KMT2B: variants seen among roughly 807,000 people sequenced by gnomAD.
KMT2B encodes the protein lysine methyltransferase 2B.
KMT2B carries 22 observed loss-of-function variants against 255.3 expected under a neutral mutation model. The observed-to-expected ratio is 0.09, with a 90% CI of 0.06 to 0.12. The LOEUF (loss-of-function observed/expected upper bound fraction) is 0.12. Among genes scored for constraint, KMT2B ranks in the 10% least tolerant of loss-of-function variants. The probability of loss-of-function intolerance (pLI) is 1.00; values close to 1 mark genes in which losing one functional copy is unlikely to be tolerated. For synonymous variants in KMT2B, 1,730 were observed against 1,498.1 expected (o/e 1.15, Z -3.57); for missense variants, 3,149 against 3,737.0 (o/e 0.84, Z 4.10).
rs750985731 is a variant in KMT2B at position 35,721,005 on chromosome 19, A to G, written c.1658A>G (p.Lys553Arg). The change falls in exon 3 of 37, where the codon AAA becomes AGA. Residue 553 changes from lysine to arginine, a missense_variant. Transcript: ENST00000420124. The stretch of plus-strand genomic sequence containing the variant: ...CGATTTATGGATGAAGACCCCCCCA[A>G]ACCCCCAAAGGTGGAGGTCTCACCT... ...PRRFMDEDPP[K>R]PPKVEVSPVL... is the part of the protein sequence containing the mutation. 48 of 1,609,616 alleles carry G rather than the reference A, an allele frequency of 3.0e-5. No homozygotes were observed. Among genetic ancestry groups the G allele is most frequent in the Non-Finnish European group, 3.7e-5 (44 of 1,178,600 alleles).
In KMT2B at chr19:35,733,171, G is replaced by T. The variant is rs1424516953; in HGVS notation, c.6622G>T (p.Gly2208Cys). The T allele has an allele frequency of 1.9e-6, 3 of 1,567,826 alleles. No individual in the cohort carries two copies. The highest frequency in any genetic ancestry group is 1.8e-5 in the Admixed American group (1 of 54,660). Reference protein sequence around the residue: ...GQVFVKMAGEGEPVPPPVKQP... With the variant: ...GQVFVKMAGECEPVPPPVKQP... ...AGTATTTGTGAAGATGGCTGGGGAG[G>T]GTGAACCTGTCCCACCCCCAGTGAA... The change falls in exon 28 of 37, where the codon GGT becomes TGT. Residue 2208 changes from glycine to cysteine, a missense_variant. Gly to Cys is a radical substitution (Grantham distance 159). Transcript: ENST00000420124. The surrounding 1 kb of genome is among the most constrained non-coding windows in gnomAD (Gnocchi z 4.3).
At position 35,727,167 on chromosome 19, in the gene KMT2B, C is replaced by A; in HGVS notation, c.4015C>A (p.Pro1339Thr). ...TQLYEKGNYC[P>T]ICTRCYEDND... ...TTCCCTTTCTCTAGGAAACTACTGC[C>A]CGATCTGTACACGCTGCTATGAAGA... The change falls in exon 15 of 37, where the codon CCG becomes ACG. Residue 1339 changes from proline to threonine, a missense_variant. Physicochemically the swap from Pro to Thr is conservative, Grantham distance 38. Around this residue, in one of 18 missense-constraint regions of KMT2B, gnomAD observed 377 missense variants for 471.0 expected, o/e 0.80. Coordinates refer to ENST00000420124, the MANE Select transcript of KMT2B (RefSeq NM_014727.3). This position sits in a 1 kb window ranked among gnomAD's most constrained non-coding sequence, Gnocchi z 4.2. The A allele has an allele frequency of 1.2e-6, 2 of 1,611,834 alleles. No individual in the cohort carries two copies. Among genetic ancestry groups the A allele is most frequent in the Non-Finnish European group, 1.7e-6 (2 of 1,178,972 alleles).
chr19:35,726,589 T>C (rs560621276), intron 14 of KMT2B, among the ~76,000 whole-genome samples: 11 of 152,282 alleles, frequency 7.2e-5, no homozygotes, highest in African/African-American at 2.4e-4. Context: ...TCTTGGTGTC[T>C]GAGGTACTTC....
At position 35,718,262 on chromosome 19, in the gene KMT2B, C is replaced by G. The variant is rs1475394612; in HGVS notation, c.244C>G (p.Arg82Gly). Residue 82 changes from arginine to glycine, a missense_variant, in exon 1 of 37, where the codon CGC (arginine) becomes GGC (glycine). Transcript: ENST00000420124. The surrounding 1 kb of genome is among the most constrained non-coding windows in gnomAD (Gnocchi z 5.0). ...GLRRGLRRLR[R>G]LWAGPRVQRG... ...CCGCCGGGGCCTGCGCCGGCTCCGC[C>G]GCCTGTGGGCCGGCCCGCGGGTCCA... 2 of 1,211,496 alleles carry G rather than the reference C, an allele frequency of 1.7e-6. No homozygotes were observed. Among genetic ancestry groups the G allele is most frequent in the South Asian group, 4.2e-5 (1 of 24,090 alleles). The allele number at this position is 1,211,496 out of a possible 1,614,324, so 75.0% of individuals were successfully genotyped here.
Position 35,733,357 on chromosome 19 carries a change from A to G in KMT2B, c.6808A>G (p.Ser2270Gly). 7.8e-7 allele frequency: 1 copy of G among 1,283,762 alleles called. No individual in the cohort carries two copies. Among genetic ancestry groups the G allele is most frequent in the South Asian group, 1.2e-5 (1 of 80,366 alleles). 79.5% of individuals were successfully genotyped at this position (1,283,762 alleles called of 1,614,324 possible). Residue 2270 changes from serine to glycine, a missense_variant, in exon 28 of 37, where the codon AGC becomes GGC. Physicochemically the swap from Ser to Gly is moderately conservative, Grantham distance 56. Coordinates refer to ENST00000420124, the MANE Select transcript of KMT2B (RefSeq NM_014727.3). This position sits in a 1 kb window ranked among gnomAD's most constrained non-coding sequence, Gnocchi z 4.3. ...GCTGGTGCTGAGCAGTGGGCCAGCC[A>G]GCCCGCCCCGCCAGGCCATCCGCGT... ...LTLVLSSGPA[S>G]PPRQAIRVKR...
chr19:35,724,499 A>G, intron 8 of KMT2B, 138 bp from the exon 9 acceptor site: 1 of 753,134 alleles, frequency 1.3e-6, no homozygotes, highest in Non-Finnish European at 2.2e-6. Context: ...ACCCTGCCTC[A>G]AAAAACAAGA....
In KMT2B at chr19:35,723,769, C is replaced by T. The variant is rs558415995; in HGVS notation, c.3096C>T (p.Ser1032=). ...TGAAGACGCTGTTGCCCTGGGATTC[C>T]GATGAATCTCCTGAGGCCTCCCCTG... ...TIVKTLLPWD[S]DESPEASPGP... Residue 1032 remains serine (S), a synonymous_variant, in exon 8 of 37, where the codon TCC becomes TCT. Transcript: ENST00000420124. This position sits in a 1 kb window ranked among gnomAD's most constrained non-coding sequence, Gnocchi z 7.5. The T allele has an allele frequency of 9.7e-6, 15 of 1,553,242 alleles. No individual in the cohort carries two copies. Among genetic ancestry groups the T allele is most frequent in the Admixed American group, 6.2e-5 (3 of 48,408 alleles).
chr19:35,719,330 C>G, intron 1 of KMT2B, 139 bp from the exon 2 acceptor site: 1 of 663,352 alleles, frequency 1.5e-6, no homozygotes, highest in Non-Finnish European at 2.6e-6. Context: ...TACCCGCGAC[C>G]TTTGAGTCTT....
chr19:35,725,435 G>T lies in KMT2B; in HGVS notation c.3643-44G>T. On this transcript the variant is annotated intron_variant, in intron 11 of 36. Coordinates refer to ENST00000420124, the MANE Select transcript of KMT2B (RefSeq NM_014727.3). The surrounding 1 kb of genome is among the most constrained non-coding windows in gnomAD (Gnocchi z 4.1). ...CTGGGTCTCATCCCTTGGCCCTCTG[G>T]CCTCATGCTATGCCCATCATTCACT... The T allele has an allele frequency of 6.2e-7, 1 of 1,603,172 alleles. No individual in the cohort carries two copies. Among genetic ancestry groups the T allele is most frequent in the Non-Finnish European group, 8.5e-7 (1 of 1,176,182 alleles).
At position 35,729,075 on chromosome 19, in the gene KMT2B, A is replaced by C. The variant is rs1438779362; in HGVS notation, c.4778A>C (p.Lys1593Thr). The part of the protein sequence containing the change: ...LCLKYGDADS[K>T]EAGRLLYIGQ... ...CTCAAATACGGGGATGCAGACTCCA[A>C]GGTGAGGGCTGCTCTGTGACGCACC... Residue 1593 changes from lysine to threonine, a missense_variant and splice_region_variant, in exon 21 of 37, where the codon AAG (lysine) becomes ACG (threonine). Coordinates refer to ENST00000420124, the MANE Select transcript of KMT2B (RefSeq NM_014727.3). 1 of 1,613,868 alleles carries C rather than the reference A, an allele frequency of 6.2e-7. No individual in the cohort carries two copies. The highest frequency in any genetic ancestry group is 8.5e-7 in the Non-Finnish European group (1 of 1,179,878).
At chr19:35,719,745 C>T in intron 2 of KMT2B, 39 bp from the exon 3 acceptor site, 1 of 1,548,430 alleles carries the variant, frequency 6.5e-7, no homozygotes, top group Non-Finnish European at 8.7e-7. Context: ...GTGTGTAGGG[C>T]TGGCTTGATC....
Position 35,727,037 on chromosome 19 carries a change from A to C in KMT2B, c.4004-119A>C. 1 of 511,172 alleles carries C rather than the reference A, an allele frequency of 2.0e-6. No homozygotes were observed. Among genetic ancestry groups the C allele is most frequent in the East Asian group, 3.8e-5 (1 of 26,040 alleles). The allele number at this position is 511,172 out of a possible 1,614,324, so 31.7% of individuals were successfully genotyped here. Reference sequence around the variant, plus strand: ...CCTCAAGGAGCTTTTAGGGACTAGTAGGGGCCCAAAACAGGGGCATAGTGG... The same window carrying C: ...CCTCAAGGAGCTTTTAGGGACTAGTCGGGGCCCAAAACAGGGGCATAGTGG... On this transcript the variant is annotated intron_variant, in intron 14 of 36. Transcript: ENST00000420124. The surrounding 1 kb of genome is among the most constrained non-coding windows in gnomAD (Gnocchi z 4.2).
At position 35,737,821 on chromosome 19, in the gene KMT2B, T is replaced by G; in HGVS notation, c.7659-38T>G. 6.4e-7 allele frequency: 1 copy of G among 1,553,538 alleles called. No homozygotes were observed. The highest frequency in any genetic ancestry group is 8.7e-7 in the Non-Finnish European group (1 of 1,147,432). On this transcript the variant is annotated intron_variant, in intron 34 of 36. Transcript: ENST00000420124. This position sits in a 1 kb window ranked among gnomAD's most constrained non-coding sequence, Gnocchi z 5.3. ...TGAGCAGGGGTGAGAGAGGTCATTC[T>G]GAGCACCAGCCTGGGTGACACTGCT... is the stretch of plus-strand genomic sequence containing the variant.
Position 35,718,010 on chromosome 19 carries a change from G to C in KMT2B, c.-9G>C, listed in dbSNP as rs1392423449. ...CCCCCGCCTCCCCGGCCCCTCTCAC[G>C]GTGCCAAGATGGCGGCGGCGGCGGG... On this transcript the variant is annotated 5_prime_UTR_variant, in exon 1 of 37. Transcript: ENST00000420124. The surrounding 1 kb of genome is among the most constrained non-coding windows in gnomAD (Gnocchi z 5.0). 3.0e-6 allele frequency: 3 copies of C among 985,172 alleles called. No individual in the cohort carries two copies. The highest frequency in any genetic ancestry group is 3.6e-6 in the Non-Finnish European group (3 of 830,804). The allele number at this position is 985,172 out of a possible 1,614,324, so 61.0% of individuals were successfully genotyped here.
At position 35,721,771 on chromosome 19, in the gene KMT2B, G is replaced by A. The variant is rs1342415250; in HGVS notation, c.2424G>A (p.Gln808=). 6.3e-7 allele frequency: 1 copy of A among 1,586,112 alleles called. No homozygotes were observed. The highest frequency in any genetic ancestry group is 8.6e-7 in the Non-Finnish European group (1 of 1,163,702). The stretch of plus-strand genomic sequence containing the variant: ...AAGTGCAGCTATTCAAGATCGATCA[G>A]CAGCAGCAGCAGAAGGTGGCAGCTT... ...RAKVQLFKID[Q]QQQQKVAASM... Residue 808 remains glutamine, a synonymous_variant, in exon 3 of 37, where the codon CAG becomes CAA. Coordinates refer to ENST00000420124, the MANE Select transcript of KMT2B (RefSeq NM_014727.3).
chr19:35,719,906 G>A lies in KMT2B; in HGVS notation c.559G>A (p.Glu187Lys). The change falls in exon 3 of 37, where the codon GAA (glutamate) becomes AAA (lysine). Residue 187 changes from glutamate to lysine, a missense_variant. Around this residue, in one of 18 missense-constraint regions of KMT2B, gnomAD observed 1,188 missense variants for 1,106.4 expected, o/e 1.07. Transcript: ENST00000420124. ...CCGGAAACGGGGTGAGGAAGGCACA[G>A]AACGGATGGTGCAGGCACTGACTGA... ...PARKRGEEGT[E>K]RMVQALTELL... 1 of 1,613,500 alleles carries A rather than the reference G, an allele frequency of 6.2e-7. No homozygotes were observed. Among genetic ancestry groups the A allele is most frequent in the South Asian group, 1.1e-5 (1 of 91,084 alleles).
Position 35,718,727 on chromosome 19 carries a change from G to A in KMT2B, c.363+346G>A, listed in dbSNP as rs1969059995. On this transcript the variant is annotated intron_variant, in intron 1 of 36. Coordinates refer to ENST00000420124, the MANE Select transcript of KMT2B (RefSeq NM_014727.3). The surrounding 1 kb of genome is among the most constrained non-coding windows in gnomAD (Gnocchi z 5.0). ...CAGTCGTGGTTGACAGCGGCAGCGT[G>A]GCCTTGGCAGACAGGTTGGAGCTGT... Among the ~76,000 whole-genome samples, 1 of 152,200 alleles carries A rather than the reference G, an allele frequency of 6.6e-6. No individual in the cohort carries two copies. Among genetic ancestry groups the A allele is most frequent in the South Asian group, 2.1e-4 (1 of 4,834 alleles).
At chr19:35,736,131 A>T (rs1166614303) in intron 30 of KMT2B, 1 of 153,394 alleles carries the variant, frequency 6.5e-6, no homozygotes, top group Non-Finnish European at 1.4e-5. Context: ...GGCGCCTGTA[A>T]TCTCAGCTAC....
intron 8 of KMT2B, 100 bp downstream of exon 8, chr19:35,724,107 G>A (rs1969329155): frequency 4.2e-6 from 5 of 1,199,370 alleles, no homozygotes; most frequent in South Asian, 1.5e-5. Context: ...CTGTCAGTCT[G>A]ATAGAGAAGG....
Sources: allele counts gnomAD v4.1 joint callset (sites outside exome capture counted in the v4.1 genomes callset), GRCh38; gene constraint gnomAD v4.1.1; regional missense constraint gnomAD v4.1.1; non-coding constraint Gnocchi (gnomAD v3.1); transcripts MANE v1.5; gene names NCBI Gene and HGNC (gene_info 2026-07-23, HGNC 2026-07-21).